The following ATG4C variants were observed in gnomAD, a reference collection of about 807,000 sequenced individuals.
ATG4C encodes cysteine protease ATG4C.
ATG4C carries 56 observed loss-of-function variants against 57.6 expected under a neutral mutation model. The observed-to-expected ratio is 0.97, with a 90% CI of 0.78 to 1.21. The LOEUF (loss-of-function observed/expected upper bound fraction) is 1.21, where lower values mean the gene tolerates loss of function less well. ATG4C is among the 50% of genes most tolerant of loss of function. The pLI, the probability that ATG4C is intolerant of heterozygous loss-of-function variation, is 0.00. For synonymous variants in ATG4C, 157 were observed against 174.1 expected, an observed-to-expected ratio of 0.90 and a Z score of 0.78; for missense variants, 595 against 529.8, an observed-to-expected ratio of 1.12 and a Z score of -1.21.
chr1:62,820,606 A>G (rs1480705731), intron 5 of ATG4C, among the ~76,000 whole-genome samples: 1 of 152,052 alleles, frequency 6.6e-6, no homozygotes, highest in Admixed American at 6.6e-5. Flanking sequence ...TATACTTAGG[A>G]ATATTGTTTA....
Position 62,829,091 on chromosome 1 carries a change from A to T in ATG4C, c.848A>T (p.Asn283Ile), listed in dbSNP as rs781542328. The T allele has an allele frequency of 5.3e-5, 86 of 1,613,000 alleles. No homozygotes were observed. In the Admixed American group the frequency reaches 1.4e-3, roughly 26 times the overall value. The change falls in exon 7 of 11, where the codon AAT becomes ATT. Residue 283 changes from asparagine to isoleucine, a missense_variant. Asn to Ile is a moderately radical substitution (Grantham distance 149). Coordinates refer to ENST00000317868, the MANE Select transcript of ATG4C (RefSeq NM_032852.4). ...CAGAGTGCTTCCATGACTTCTGATAATGCAGATGACAAAGCTGTTATTATT... is the reference window on the plus strand; with the variant it reads ...CAGAGTGCTTCCATGACTTCTGATATTGCAGATGACAAAGCTGTTATTATT... ...DKQSASMTSD[N>I]ADDKAVIILV... is the part of the protein sequence containing the mutation.
intron 9 of ATG4C, among the ~76,000 whole-genome samples, chr1:62,840,191 C>T (rs1666125902): frequency 6.6e-6 from 1 of 152,106 alleles, no homozygotes; most frequent in Non-Finnish European, 1.5e-5. Context: ...GTCTTGCCCT[C>T]TTGCCCAGGC....
intron 5 of ATG4C, 45 bp downstream of exon 5, chr1:62,819,380 G>C (rs772292372): frequency 6.8e-7 from 1 of 1,469,174 alleles, no homozygotes; most frequent in Non-Finnish European, 9.1e-7. Flanking sequence ...GAGGTCCTCA[G>C]GATTAAGAGA....
chr1:62,830,945 T>C (rs1033131909), intron 7 of ATG4C, among the ~76,000 whole-genome samples: 2 of 152,174 alleles, frequency 1.3e-5, no homozygotes, highest in Admixed American at 6.5e-5. Context: ...ATTGTCTTTA[T>C]GAAACAGAAA....
In ATG4C at chr1:62,819,167, CT is replaced by C. The variant is rs754002648; in HGVS notation, c.558del (p.Asp187MetfsTer31). ...ISLKETIGKY[S>X]DDHEMRNEVY... ...CTGAAGGAAACAATTGGGAAATATT[CT>C]GATGATCATGAAATGCGAAATGAAG... On this transcript the variant is annotated frameshift_variant, in exon 5 of 11. Coordinates refer to ENST00000317868, the MANE Select transcript of ATG4C (RefSeq NM_032852.4). LOFTEE classifies it high-confidence loss of function. 6.2e-7 allele frequency: 1 copy of C among 1,613,426 alleles called. No individual in the cohort carries two copies. The highest frequency in any genetic ancestry group is 1.1e-5 in the South Asian group (1 of 90,986).
chr1:62,836,021 G>A (rs1371409712), intron 9 of ATG4C, among the ~76,000 whole-genome samples: 1 of 151,970 alleles, frequency 6.6e-6, no homozygotes, highest in Non-Finnish European at 1.5e-5. Context: ...TAGTATTTTA[G>A]TATTACCTAA....
At chr1:62,847,130 T>A (rs370020008) in intron 10 of ATG4C, among the ~76,000 whole-genome samples, 198 of 152,308 alleles carry the variant, frequency 1.3e-3, no homozygotes, top group African/African-American at 4.5e-3. Context: ...TGAGCCAAGA[T>A]TGTGCCATTG....
At chr1:62,836,207 G>A (rs971002009) in intron 9 of ATG4C, among the ~76,000 whole-genome samples, 1 of 152,076 alleles carries the variant, frequency 6.6e-6, no homozygotes, top group Non-Finnish European at 1.5e-5. Flanking sequence ...AACACTCCAA[G>A]AGGGAGTTAT....
chr1:62,850,876 A>G lies in ATG4C; in HGVS notation c.1209+9329A>G, dbSNP rs1325738188. On this transcript the variant is annotated intron_variant, in intron 10 of 10. Transcript: ENST00000317868. ...TATGTATATATATATATATATATAT[A>G]TATATATATATATATATATATATAT... 3.5e-3 allele frequency among the ~76,000 whole-genome samples: 260 copies of G among 74,988 alleles called. 8 individuals are homozygous for G. The highest frequency in any genetic ancestry group is 9.1e-3 in the Admixed American group (71 of 7,788). 49.2% of individuals were successfully genotyped at this position (74,988 alleles called of 152,430 possible).
chr1:62,829,360 C>T (rs985216286), intron 7 of ATG4C, among the ~76,000 whole-genome samples, 184 bp downstream of exon 7: 1 of 152,032 alleles, frequency 6.6e-6, no homozygotes, highest in African/African-American at 2.4e-5. Flanking sequence ...TTGAAGAGCA[C>T]AGTGTTCTAT....
In ATG4C at chr1:62,864,142, G is replaced by A; in HGVS notation, c.1360G>A (p.Glu454Lys). ...KKQLKRFSTEEFVLL is the reference protein window; with the variant it reads ...KKQLKRFSTEKFVLL ...ACAATTAAAAAGATTTAGCACGGAA[G>A]AGTTTGTCTTGCTTTAAAGATTAGC... Residue 454 changes from glutamate (E) to lysine (K), a missense_variant, in exon 11 of 11, where the codon GAG (glutamate) becomes AAG (lysine). By Grantham distance (56) the Glu-to-Lys change is moderately conservative. Transcript: ENST00000317868. 5 of 1,600,736 alleles carry A rather than the reference G, an allele frequency of 3.1e-6. No individual in the cohort carries two copies. Among genetic ancestry groups the A allele is most frequent in the Non-Finnish European group, 4.3e-6 (5 of 1,176,110 alleles).
intron 1 of ATG4C, among the ~76,000 whole-genome samples, chr1:62,790,115 T>C (rs1006167710): frequency 3.3e-5 from 5 of 152,158 alleles, no homozygotes; most frequent in Non-Finnish European, 7.3e-5. Context: ...AGTTTCTCCA[T>C]GTTTGTCAGG....
chr1:62,821,841 A>G (rs1312827360), intron 6 of ATG4C, among the ~76,000 whole-genome samples: 3 of 152,120 alleles, frequency 2.0e-5, no homozygotes, highest in Non-Finnish European at 2.9e-5. Context: ...TATACTCCTT[A>G]TACACATAGC....
intron 10 of ATG4C, among the ~76,000 whole-genome samples, chr1:62,858,102 CAATT>C (rs565884571): frequency 1.1e-3 from 166 of 152,294 alleles, no homozygotes; most frequent in African/African-American, 3.8e-3. Flanking sequence ...CATCTGACAT[CAATT>C]AATCAAAGTA....
Position 62,789,177 on chromosome 1 carries a change from A to G in ATG4C, c.-69+4904A>G, listed in dbSNP as rs921531690. ...GATTTCCCACTTCTGTCATTCCTACATGTATTTGCTGGCTCTCTTCTCTAA... is the reference window on the plus strand; with the variant it reads ...GATTTCCCACTTCTGTCATTCCTACGTGTATTTGCTGGCTCTCTTCTCTAA... On this transcript the variant is annotated intron_variant, in intron 1 of 10. Coordinates refer to ENST00000317868, the MANE Select transcript of ATG4C (RefSeq NM_032852.4). Among the ~76,000 whole-genome samples the G allele has an allele frequency of 2.6e-5, 4 of 152,112 alleles. No homozygotes were observed. In the East Asian group the frequency reaches 7.7e-4, roughly 29 times the overall value.
intron 6 of ATG4C, among the ~76,000 whole-genome samples, chr1:62,821,650 GT>G: frequency 6.6e-6 from 1 of 151,940 alleles, no homozygotes; most frequent in East Asian, 1.9e-4. Flanking sequence ...TTGTTTTATT[GT>G]TTTGGGTCTT....
chr1:62,828,950 A>G (rs2100331261), intron 6 of ATG4C, 90 bp from the exon 7 acceptor site: 1 of 1,182,508 alleles, frequency 8.5e-7, no homozygotes, highest in Non-Finnish European at 1.2e-6. Flanking sequence ...CTGGCTGTCC[A>G]TTGCGGGGTG....
chr1:62,821,177 G>A lies in ATG4C; in HGVS notation c.764G>A (p.Gly255Glu), dbSNP rs755442365. 25 of 1,601,220 alleles carry A rather than the reference G, an allele frequency of 1.6e-5. No homozygotes were observed. The highest frequency in any genetic ancestry group is 2.1e-5 in the Non-Finnish European group (25 of 1,175,218). Residue 255 changes from glycine to glutamate, a missense_variant, in exon 6 of 11, where the codon GGA becomes GAA. By Grantham distance (98) the Gly-to-Glu change is moderately conservative (BLOSUM62 -2). Coordinates refer to ENST00000317868, the MANE Select transcript of ATG4C (RefSeq NM_032852.4). ...GAAGCAAGGCATCCTGATTTACAAG[G>A]AATAACTATTTATGTTGCACAAGAT... ...VEEARHPDLQ[G>E]ITIYVAQDCT...
chr1:62,816,610 A>G lies in ATG4C; in HGVS notation c.196A>G (p.Thr66Ala), dbSNP rs369096629. The part of the protein sequence containing the change: ...DKTLPAESGC[T>A]IEDHVIAGNV... ...AACGTTACCTGCAGAGTCGGGATGTACAATAGAGGATCACGTAATTGCAGG... is the reference window on the plus strand; with the variant it reads ...AACGTTACCTGCAGAGTCGGGATGTGCAATAGAGGATCACGTAATTGCAGG... Residue 66 changes from threonine (T) to alanine (A), a missense_variant, in exon 4 of 11, where the codon ACA becomes GCA. Physicochemically the swap from Thr to Ala is moderately conservative, Grantham distance 58. Transcript: ENST00000317868. 1.2e-6 allele frequency: 2 copies of G among 1,613,626 alleles called. No individual in the cohort carries two copies. The highest frequency in any genetic ancestry group is 1.1e-5 in the South Asian group (1 of 91,028).
Sources: allele counts gnomAD v4.1 joint callset (sites outside exome capture counted in the v4.1 genomes callset), GRCh38; gene constraint gnomAD v4.1.1; transcripts MANE v1.5; gene names NCBI Gene and HGNC (gene_info 2026-07-23, HGNC 2026-07-21).